PATJ: variants seen among roughly 807,000 people sequenced by gnomAD.
PATJ encodes PATJ crumbs cell polarity complex component, also known as inaD-like protein.
A neutral mutation model predicts 224.9 loss-of-function variants in PATJ; 190 were observed. The observed-to-expected ratio is 0.84, with a 90% CI of 0.75 to 0.95. The LOEUF is 0.95. Ranked by LOEUF, PATJ falls within the 40% of genes least tolerant of loss-of-function variation. The pLI is 0.00. For missense variants in PATJ, 2,121 were observed against 2,270.3 expected (o/e 0.93, Z 1.34); for synonymous variants, 769 against 820.3 (o/e 0.94, Z 1.07).
In PATJ at chr1:61,801,783, A is replaced by G. The variant is rs763221371; in HGVS notation, c.1549+14A>G. ...TAGAAAAATTGGGTAGGCACAAAGC[A>G]TTCACTTTGCGATAACAGACTTCTT... On this transcript the variant is annotated intron_variant, in intron 12 of 43. Coordinates refer to ENST00000642238, the MANE Select transcript of PATJ (RefSeq NM_001350145.3). 3.9e-6 allele frequency: 6 copies of G among 1,520,438 alleles called. No homozygotes were observed. The Admixed American group carries it at 9.7e-5, about 25-fold the overall frequency. 94.2% of individuals were successfully genotyped at this position (1,520,438 alleles called of 1,614,324 possible).
At chr1:61,893,836 T>C (rs1023805275) in intron 22 of PATJ, among the ~76,000 whole-genome samples, 3 of 149,462 alleles carry the variant, frequency 2.0e-5, no homozygotes, top group African/African-American at 7.3e-5. Context: ...AAAGGTGTCA[T>C]GGTGAAATAC....
In PATJ at chr1:62,075,228, A is replaced by G. The variant is rs572968041; in HGVS notation, c.4126-4222A>G. On this transcript the variant is annotated intron_variant, in intron 31 of 43. Transcript: ENST00000642238. ...TCATCTGCAGTGAGGCTGGCAGCTC[A>G]TTATACAGAACTTTTCCACCCTTTG... Among the ~76,000 whole-genome samples the G allele has an allele frequency of 1.8e-4, 27 of 152,312 alleles. No homozygotes were observed. The South Asian group carries it at 4.8e-3, about 27-fold the overall frequency.
At chr1:62,057,170 C>T (rs546977090) in intron 31 of PATJ, among the ~76,000 whole-genome samples, 11 of 152,238 alleles carry the variant, frequency 7.2e-5, no homozygotes, top group African/African-American at 2.6e-4. Flanking sequence ...AGAGTTGCTT[C>T]GTGCTAAGAG....
At chr1:61,968,737 G>A (rs1320962732) in intron 27 of PATJ, among the ~76,000 whole-genome samples, 1 of 151,800 alleles carries the variant, frequency 6.6e-6, no homozygotes, top group African/African-American at 2.4e-5. Context: ...AGGCCCCCGT[G>A]TGTGATGTTC....
At chr1:62,094,493 C>T (rs1661153872) in intron 33 of PATJ, among the ~76,000 whole-genome samples, 1 of 151,096 alleles carries the variant, frequency 6.6e-6, no homozygotes, top group Non-Finnish European at 1.5e-5. Context: ...AATCCTCCTG[C>T]CTCAGTCTCC....
Position 62,108,508 on chromosome 1 carries a change from C to T in PATJ, c.4449C>T (p.Asp1483=), listed in dbSNP as rs778801912. Residue 1483 remains aspartate (D), a synonymous_variant, in exon 34 of 44, where the codon GAC becomes GAT. Coordinates refer to ENST00000642238, the MANE Select transcript of PATJ (RefSeq NM_001350145.3). ...GAGATGGAAGACTTTGGGCTGGTGA[C>T]CAGATATTAGAGGTATATGGTTTTG... is the stretch of plus-strand genomic sequence containing the variant. ...AARDGRLWAG[D]QILEVNGVDL... is the part of the protein sequence containing the mutation. 42 of 1,604,466 alleles carry T rather than the reference C, an allele frequency of 2.6e-5. No homozygotes were observed. The highest frequency in any genetic ancestry group is 3.4e-5 in the Non-Finnish European group (40 of 1,172,472).
intron 33 of PATJ, among the ~76,000 whole-genome samples, chr1:62,095,931 A>G (rs1661345174): frequency 6.6e-6 from 1 of 152,190 alleles, no homozygotes; most frequent in Non-Finnish European, 1.5e-5. Flanking sequence ...CATTGAATGC[A>G]TGACCAGCAG....
intron 28 of PATJ, among the ~76,000 whole-genome samples, chr1:62,014,777 G>A (rs2148356686): frequency 6.6e-6 from 1 of 151,910 alleles, no homozygotes; most frequent in South Asian, 2.1e-4. Flanking sequence ...ATGTTGCCCA[G>A]GCTGATCTTG....
At chr1:62,103,003 G>A (rs950445739) in intron 33 of PATJ, among the ~76,000 whole-genome samples, 3 of 151,768 alleles carry the variant, frequency 2.0e-5, no homozygotes, top group East Asian at 3.9e-4. Flanking sequence ...ACAGATCATC[G>A]CCTCGCCTCA....
At chr1:61,815,987 A>G (rs907873419) in intron 14 of PATJ, among the ~76,000 whole-genome samples, 3 of 152,188 alleles carry the variant, frequency 2.0e-5, no homozygotes, top group Admixed American at 1.3e-4. Context: ...CTGGCCATCA[A>G]TTGTAATATG....
chr1:62,084,431 G>GC, intron 32 of PATJ, 84 bp from the exon 33 acceptor site: 1 of 1,426,424 alleles, frequency 7.0e-7, no homozygotes, highest in Non-Finnish European at 9.5e-7. Context: ...ACACATGCAA[G>GC]CCCCACACTC....
chr1:61,871,079 G>GTTTTTTT (rs1274894642), intron 20 of PATJ, among the ~76,000 whole-genome samples: 2 of 64,990 alleles, frequency 3.1e-5, no homozygotes, highest in Non-Finnish European at 6.2e-5. Context: ...TGTTTTTTTT[G>GTTTTTTT]TTTTTTTTTT....
intron 6 of PATJ, among the ~76,000 whole-genome samples, chr1:61,773,662 T>C (rs922043059): frequency 9.9e-5 from 15 of 151,514 alleles, no homozygotes; most frequent in Non-Finnish European, 1.5e-4. Context: ...TGGTGCATGC[T>C]TGTAATCCCA....
intron 17 of PATJ, among the ~76,000 whole-genome samples, chr1:61,845,281 A>G (rs942556502): frequency 1.3e-5 from 2 of 152,208 alleles, no homozygotes; most frequent in Non-Finnish European, 1.5e-5. Context: ...GAGTTCACTC[A>G]TGACCACCCA....
chr1:61,981,269 C>G (rs1644434416), intron 27 of PATJ, among the ~76,000 whole-genome samples: 1 of 151,826 alleles, frequency 6.6e-6, no homozygotes, highest in African/African-American at 2.4e-5. Context: ...AACCTAGTGG[C>G]CCATGAGAAG....
chr1:61,918,559 C>T (rs1023287787), intron 26 of PATJ, among the ~76,000 whole-genome samples: 5 of 152,076 alleles, frequency 3.3e-5, no homozygotes, highest in African/African-American at 1.2e-4. Context: ...AATCTGCCCA[C>T]CTCCGCCTCT....
chr1:62,155,692 TA>T (rs34095874), intron 43 of PATJ, among the ~76,000 whole-genome samples: 2,801 of 140,546 alleles, frequency 0.02, 75 homozygotes, highest in African/African-American at 0.059. Flanking sequence ...GCTCTGAATT[TA>T]AAAAAAAAAA....
At chr1:62,111,588 A>G (rs1663815072) in intron 34 of PATJ, among the ~76,000 whole-genome samples, 1 of 152,196 alleles carries the variant, frequency 6.6e-6, no homozygotes, top group African/African-American at 2.4e-5. Context: ...TAAGTAATTT[A>G]CACAGGGTTT....
At chr1:62,151,197 G>A (rs1668597156) in intron 42 of PATJ, among the ~76,000 whole-genome samples, 1 of 152,148 alleles carries the variant, frequency 6.6e-6, no homozygotes, top group Admixed American at 6.6e-5. Flanking sequence ...ATATAGCATA[G>A]ATCGTCAGCA....
Sources: gnomAD v4.1 joint callset for allele counts (sites outside exome capture counted in the v4.1 genomes callset) on GRCh38, gnomAD v4.1.1 for gene constraint, MANE v1.5 for transcripts, NCBI Gene and HGNC (gene_info 2026-07-23, HGNC 2026-07-21) for gene names.